The following SYT1 variants were observed in gnomAD, a reference collection of about 807,000 sequenced individuals.
SYT1 encodes the protein synaptotagmin 1.
A neutral mutation model predicts 44.8 loss-of-function variants in SYT1; 8 were observed. The ratio of observed to expected loss-of-function variants is 0.18; its 90% CI spans 0.10 to 0.32. The LOEUF is 0.32. SYT1 is among the 10% of genes least tolerant of loss of function. The pLI is 1.00. For synonymous variants in SYT1, 154 were observed against 188.8 expected (o/e 0.82, Z 1.51); for missense variants, 286 against 509.3 (o/e 0.56, Z 4.22).
chr12:79,041,252 A>G (rs1052049008), intron 2 of SYT1, among the ~76,000 whole-genome samples: 3 of 152,248 alleles, frequency 2.0e-5, no homozygotes, highest in South Asian at 4.1e-4. Context: ...CTTCCTACCC[A>G]TGAGCATGGA....
At chr12:79,001,702 A>G (rs2137532506) in intron 2 of SYT1, among the ~76,000 whole-genome samples, 1 of 152,322 alleles carries the variant, frequency 6.6e-6, no homozygotes, top group East Asian at 1.9e-4. Context: ...TCAGTGATGC[A>G]TGAGAGAACA....
intron 4 of SYT1, among the ~76,000 whole-genome samples, chr12:79,238,806 A>G (rs181247755): frequency 2.0e-5 from 3 of 152,320 alleles, no homozygotes; most frequent in Non-Finnish European, 4.4e-5. Flanking sequence ...TGGCAATCCA[A>G]CTGATAATCT....
chr12:78,884,566 CTTGT>C (rs1206459045), intron 1 of SYT1, among the ~76,000 whole-genome samples: 4 of 151,430 alleles, frequency 2.6e-5, no homozygotes, highest in Non-Finnish European at 3.0e-5. Flanking sequence ...TTTATAACAT[CTTGT>C]TTGTTTAATA....
intron 1 of SYT1, among the ~76,000 whole-genome samples, chr12:78,947,692 G>A (rs1878739604): frequency 6.6e-6 from 1 of 151,566 alleles, no homozygotes; most frequent in African/African-American, 2.4e-5. Flanking sequence ...ATTTTGTTTG[G>A]TTTTGTTCCT....
chr12:79,359,847 C>A lies in SYT1; in HGVS notation c.928+6228C>A, dbSNP rs142728259. 3.3e-5 allele frequency among the ~76,000 whole-genome samples: 5 copies of A among 152,260 alleles called. No homozygotes were observed. The East Asian group carries it at 9.6e-4, about 29-fold the overall frequency. On this transcript the variant is annotated intron_variant, in intron 9 of 10. Transcript: ENST00000261205. Reference sequence around the variant, plus strand: ...AGATCATTTAGGAAAGAGCAACTCACCCAACCTCAGGTAACTACTAGATTC... The same window carrying A: ...AGATCATTTAGGAAAGAGCAACTCAACCAACCTCAGGTAACTACTAGATTC...
At chr12:78,921,714 T>C (rs1877013281) in intron 1 of SYT1, among the ~76,000 whole-genome samples, 3 of 151,924 alleles carry the variant, frequency 2.0e-5, no homozygotes, top group African/African-American at 2.4e-5. Context: ...TTGGAAGCAA[T>C]TTATATGCAT....
At chr12:78,941,394 TAC>T (rs71441941) in intron 1 of SYT1, among the ~76,000 whole-genome samples, 23,418 of 143,472 alleles carry the variant, frequency 0.16, 2,291 homozygotes, top group East Asian at 0.44. Flanking sequence ...TAATAGAATC[TAC>T]ACACACACAC....
intron 1 of SYT1, among the ~76,000 whole-genome samples, chr12:78,963,852 A>T (rs945182962): frequency 2.0e-5 from 3 of 152,204 alleles, no homozygotes; most frequent in African/African-American, 7.2e-5. Flanking sequence ...TCAGGATACC[A>T]AAGAGACATT....
At chr12:79,203,293 G>A (rs1408597058) in intron 3 of SYT1, among the ~76,000 whole-genome samples, 4 of 152,182 alleles carry the variant, frequency 2.6e-5, no homozygotes, top group Non-Finnish European at 2.9e-5. Flanking sequence ...TTTATAGCTC[G>A]CTGTCCATAG....
intron 3 of SYT1, among the ~76,000 whole-genome samples, chr12:79,071,149 CAAAATA>C (rs1359069025): frequency 6.6e-6 from 1 of 151,984 alleles, no homozygotes; most frequent in Non-Finnish European, 1.5e-5. Context: ...ACTAGAAAAA[CAAAATA>C]AAAATAGAAT....
intron 1 of SYT1, among the ~76,000 whole-genome samples, chr12:78,970,279 C>G: frequency 6.6e-6 from 1 of 152,074 alleles, no homozygotes; most frequent in East Asian, 1.9e-4. Context: ...CTCCAATAAA[C>G]CCTACTTAAA....
At chr12:79,179,197 T>G (rs866873633) in intron 3 of SYT1, among the ~76,000 whole-genome samples, 3 of 52,706 alleles carry the variant, frequency 5.7e-5, no homozygotes, top group Admixed American at 2.4e-4. Context: ...TAGATATAGA[T>G]ATATAGATAT....
At chr12:79,363,139 A>C (rs977941754) in intron 9 of SYT1, among the ~76,000 whole-genome samples, 4 of 152,140 alleles carry the variant, frequency 2.6e-5, no homozygotes, top group African/African-American at 9.7e-5. Flanking sequence ...AGAAAAAAAA[A>C]TAAGGAGGGT....
chr12:79,033,937 A>G (rs536412110), intron 2 of SYT1, among the ~76,000 whole-genome samples: 1 of 151,586 alleles, frequency 6.6e-6, no homozygotes, highest in Admixed American at 6.6e-5. Context: ...CTCCATAGAC[A>G]TGTGGTTTTG....
chr12:79,063,923 G>A (rs1486627967), intron 3 of SYT1, among the ~76,000 whole-genome samples: 1 of 152,080 alleles, frequency 6.6e-6, no homozygotes, highest in East Asian at 1.9e-4. Flanking sequence ...CCTCCTAGGC[G>A]AGATTGGTTT....
intron 3 of SYT1, among the ~76,000 whole-genome samples, chr12:79,145,850 C>T (rs1400417265): frequency 1.3e-5 from 2 of 151,092 alleles, no homozygotes; most frequent in Non-Finnish European, 3.0e-5. Context: ...CTCCGCCTCC[C>T]GGGTTCACGC....
chr12:79,180,226 TATTA>T (rs1345676368), intron 3 of SYT1, among the ~76,000 whole-genome samples: 2 of 151,978 alleles, frequency 1.3e-5, no homozygotes, highest in African/African-American at 2.4e-5. Context: ...ATATGAACAA[TATTA>T]ATTAACTAAT....
chr12:79,131,983 G>A (rs1252212911), intron 3 of SYT1, among the ~76,000 whole-genome samples: 2 of 152,108 alleles, frequency 1.3e-5, no homozygotes, highest in African/African-American at 4.8e-5. Context: ...ATCACGTTTT[G>A]TTTCTTTTGA....
intron 9 of SYT1, among the ~76,000 whole-genome samples, chr12:79,406,870 G>A (rs1357069955): frequency 6.6e-6 from 1 of 152,114 alleles, no homozygotes; most frequent in Non-Finnish European, 1.5e-5. Context: ...CTCCCGGAAT[G>A]TCTGCTATTT....
Sources: allele counts gnomAD v4.1 joint callset (sites outside exome capture counted in the v4.1 genomes callset), GRCh38; gene constraint gnomAD v4.1.1; transcripts MANE v1.5; gene names NCBI Gene and HGNC (gene_info 2026-07-23, HGNC 2026-07-21).